IL25: variants seen among roughly 807,000 people sequenced by gnomAD.
IL25 encodes interleukin 25, also known as interleukin-25.
A neutral mutation model predicts 13.2 loss-of-function variants in IL25; 10 were observed. That is an observed-to-expected ratio of 0.76 (90% CI 0.47 to 1.29). The LOEUF (loss-of-function observed/expected upper bound fraction) is 1.29. Ranked by LOEUF, IL25 falls within the 50% of genes most tolerant of loss-of-function variation. The pLI is 0.00. For synonymous variants in IL25, 107 were observed against 92.1 expected (o/e 1.16, Z -0.93); for missense variants, 235 against 232.4 (o/e 1.01, Z -0.07).
chr14:23,373,785 A>G (rs533673059), intron 1 of IL25, among the ~76,000 whole-genome samples: 1 of 152,302 alleles, frequency 6.6e-6, no homozygotes, highest in East Asian at 1.9e-4. Context: ...TGATACAGGC[A>G]TGAAGCATCC....
intron 1 of IL25, 57 bp from the exon 3 acceptor site, chr14:23,375,568 C>A (rs1890523740): frequency 3.2e-6 from 5 of 1,583,554 alleles, no homozygotes; most frequent in Non-Finnish European, 4.3e-6. Flanking sequence ...CCATGCCACC[C>A]CACCCTCTCT....
At chr14:23,375,779 T>C (rs1283864526) in exon 2 of IL25, 1 of 1,614,196 alleles carries the variant, frequency 6.2e-7, no homozygotes, top group Non-Finnish European at 8.5e-7. Context: ...CCGGCGGCCA[T>C]GCCATGGCGA....
exon 1 of IL25, chr14:23,373,396 A>T (rs1890466804): frequency 6.2e-7 from 1 of 1,604,586 alleles, no homozygotes; most frequent in Admixed American, 1.7e-5. Context: ...TGGAGATATG[A>T]GTGAGTCTGC....
intron 1 of IL25, among the ~76,000 whole-genome samples, chr14:23,375,364 T>A (rs1890515246): frequency 6.6e-6 from 1 of 152,228 alleles, no homozygotes; most frequent in South Asian, 2.1e-4. Flanking sequence ...GGCAGGAGCC[T>A]GCTCACCCTC....
At chr14:23,375,877 C>A (rs373596442) in exon 2 of IL25, 1 of 1,613,038 alleles carries the variant, frequency 6.2e-7, no homozygotes, top group Non-Finnish European at 8.5e-7. Context: ...GTGTGATGGG[C>A]TAGCCGGACC....
Position 23,373,434 on chromosome 14 carries a change from G to A in IL25, c.278+38G>A, listed in dbSNP as rs182944982. 2.2e-5 allele frequency: 35 copies of A among 1,567,610 alleles called. No homozygotes were observed. In the Admixed American group the frequency reaches 5.6e-4, roughly 25 times the overall value. ...CCCCTCCCGAATGCCTGCCCTGTGT[G>A]TGCTGGCCAGGGTATGCGTGAGGGA... On this transcript the variant is annotated intron_variant, in intron 1 of 1. Transcript: ENST00000329715.
At chr14:23,372,889 T>C in exon 1 of IL25, 1 of 1,392,172 alleles carries the variant, frequency 7.2e-7, no homozygotes, top group Non-Finnish European at 1.0e-6. Flanking sequence ...TCAGGACTCC[T>C]AACCTGCTCC....
At chr14:23,372,863 C>A in exon 1 of IL25, 1 of 1,076,532 alleles carries the variant, frequency 9.3e-7, no homozygotes, top group Non-Finnish European at 1.4e-6. Context: ...ACAAAACAGG[C>A]TTGCTGAAAA....
chr14:23,373,469 T>G, intron 1 of IL25, 73 bp downstream of exon 2: 2 of 1,329,672 alleles, frequency 1.5e-6, no homozygotes, highest in Non-Finnish European at 2.1e-6. Context: ...ACCAGGGCAA[T>G]TCCAGCTTAC....
At chr14:23,374,555 T>A (rs1890488219) in intron 1 of IL25, among the ~76,000 whole-genome samples, 1 of 152,162 alleles carries the variant, frequency 6.6e-6, no homozygotes, top group African/African-American at 2.4e-5. Context: ...CAGGTGCAGG[T>A]GATTTATTAG....
At chr14:23,373,307 G>A (rs754336329) in exon 1 of IL25, 18 of 1,614,006 alleles carry the variant, frequency 1.1e-5, no homozygotes, top group Non-Finnish European at 1.4e-5. Context: ...CTCCCCTAGA[G>A]CCTGCTAGGC....
intron 1 of IL25, 152 bp from the exon 3 acceptor site, chr14:23,375,473 T>C (rs1456955430): frequency 1.1e-6 from 1 of 929,222 alleles, no homozygotes; most frequent in East Asian, 2.4e-5. Context: ...GGGAGGTGAC[T>C]TGTTCAAAGT....
chr14:23,373,004 T>C (rs781467899), exon 1 of IL25: 1 of 1,613,842 alleles, frequency 6.2e-7, no homozygotes, highest in Admixed American at 1.7e-5. Context: ...CTGAGGGCTG[T>C]GCTGAGAGGG....
At chr14:23,374,393 C>T (rs564119453) in intron 1 of IL25, among the ~76,000 whole-genome samples, 3 of 152,292 alleles carry the variant, frequency 2.0e-5, no homozygotes, top group Admixed American at 2.0e-4. Flanking sequence ...AGCTGCTTCT[C>T]AGAAAAAAGT....
At chr14:23,372,894 T>A (rs373055783) in exon 1 of IL25, 46 of 1,435,788 alleles carry the variant, frequency 3.2e-5, no homozygotes, top group Non-Finnish European at 4.3e-5. Context: ...ACTCCTAACC[T>A]GCTCCAGTCA....
chr14:23,374,814 T>G (rs11465512), intron 1 of IL25, among the ~76,000 whole-genome samples: 2,165 of 152,154 alleles, frequency 0.014, 51 homozygotes, highest in African/African-American at 0.05. Context: ...TAATATAAGC[T>G]TGCACAGCGT....
intron 1 of IL25, among the ~76,000 whole-genome samples, chr14:23,374,662 A>G (rs1166601781): frequency 6.6e-6 from 1 of 151,964 alleles, no homozygotes; most frequent in Non-Finnish European, 1.5e-5. Flanking sequence ...GTCGCCTGCC[A>G]GACTAATGGA....
At chr14:23,375,743 C>T (rs914496697) in exon 2 of IL25, 1 of 1,614,244 alleles carries the variant, frequency 6.2e-7, no homozygotes, top group South Asian at 1.1e-5. Context: ...CTCGGAGCTG[C>T]TCTACCACAA....
chr14:23,373,083 G>A, exon 1 of IL25: 7 of 1,613,954 alleles, frequency 4.3e-6, no homozygotes, highest in African/African-American at 2.7e-5. Flanking sequence ...GGGGCCAAGT[G>A]GAGTGAGAAA....
Sources: gnomAD v4.1 joint callset for allele counts (sites outside exome capture counted in the v4.1 genomes callset) on GRCh38, gnomAD v4.1.1 for gene constraint, MANE v1.5 for transcripts, NCBI Gene and HGNC (gene_info 2026-07-23, HGNC 2026-07-21) for gene names.